IMMP2L: variants seen among roughly 807,000 people sequenced by gnomAD.
The protein encoded by IMMP2L is mitochondrial inner membrane protease subunit 2.
IMMP2L carries 18 observed loss-of-function variants against 19.3 expected under a neutral mutation model. The observed-to-expected ratio is 0.93, with a 90% confidence interval of 0.64 to 1.38. The LOEUF (loss-of-function observed/expected upper bound fraction) is 1.38. Among genes scored for constraint, IMMP2L ranks in the 40% most tolerant of loss-of-function variants. The probability of loss-of-function intolerance (pLI) is 0.00; values close to 1 mark genes in which losing one functional copy is unlikely to be tolerated. For missense variants in IMMP2L, 233 were observed against 218.2 expected (o/e 1.07, Z -0.43); for synonymous variants, 76 against 73.0 (o/e 1.04, Z -0.21).
At chr7:110,887,420 T>C (rs1810334054) in intron 4 of IMMP2L, among the ~76,000 whole-genome samples, 1 of 152,118 alleles carries the variant, frequency 6.6e-6, no homozygotes. Context: ...GGTATAATGT[T>C]TTTCCCTATA....
intron 3 of IMMP2L, among the ~76,000 whole-genome samples, chr7:111,098,927 T>C (rs911055336): frequency 6.6e-6 from 1 of 151,792 alleles, no homozygotes; most frequent in African/African-American, 2.4e-5. Flanking sequence ...ACTCTGTTTC[T>C]AGTTTCATAT....
At chr7:110,848,913 A>C (rs1805931185) in intron 5 of IMMP2L, among the ~76,000 whole-genome samples, 1 of 152,126 alleles carries the variant, frequency 6.6e-6, no homozygotes, top group Admixed American at 6.6e-5. Flanking sequence ...GCCAGAAATT[A>C]GTTGGGAGGA....
intron 3 of IMMP2L, among the ~76,000 whole-genome samples, chr7:111,121,461 CAA>C (rs1020005159): frequency 2.0e-5 from 3 of 152,036 alleles, no homozygotes; most frequent in African/African-American, 7.2e-5. Flanking sequence ...TTTATGCAGC[CAA>C]AAGACACATG....
rs77154430 is a variant in IMMP2L at position 111,439,295 on chromosome 7, C to A, written c.239+47943G>T. Among the ~76,000 whole-genome samples, 179 of 151,876 alleles carry A rather than the reference C, an allele frequency of 1.2e-3. 4 individuals carry two copies. In the East Asian group the frequency reaches 0.033, roughly 28 times the overall value. On this transcript the variant is annotated intron_variant, in intron 3 of 5. Transcript: ENST00000405709. ...ATTCTAGTGGCCCAGTCTCAAGCTT[C>A]CCCTCCAGTGCTCTCATACCTTCTC... is the stretch of plus-strand genomic sequence containing the variant.
intron 3 of IMMP2L, among the ~76,000 whole-genome samples, chr7:111,089,138 T>C (rs1368769166): frequency 2.6e-5 from 4 of 152,166 alleles, no homozygotes; most frequent in Non-Finnish European, 4.4e-5. Flanking sequence ...TAAGATAACA[T>C]ATAAATGGCT....
intron 1 of IMMP2L, among the ~76,000 whole-genome samples, chr7:111,558,516 A>G (rs1242417665): frequency 6.6e-6 from 1 of 152,236 alleles, no homozygotes; most frequent in African/African-American, 2.4e-5. Context: ...CCATTTATAG[A>G]TGAGGAATTT....
chr7:111,419,845 A>G (rs1424679703), intron 3 of IMMP2L, among the ~76,000 whole-genome samples: 1 of 151,780 alleles, frequency 6.6e-6, no homozygotes, highest in Non-Finnish European at 1.5e-5. Context: ...ATGATAATTT[A>G]CTGCCCTTAC....
At position 111,242,932 on chromosome 7, in the gene IMMP2L, AT is replaced by A. The variant is rs561057351; in HGVS notation, c.239+244305del. ...TCCAATTGTTCTCTAACTCACTGGT[AT>A]TTCTTAATTTGTTACATTTACTAAG... On this transcript the variant is annotated intron_variant, in intron 3 of 5. Transcript: ENST00000405709. Among the ~76,000 whole-genome samples, 252 of 152,218 alleles carry A rather than the reference AT, an allele frequency of 1.7e-3. 3 individuals are homozygous for A. Among genetic ancestry groups the A allele is most frequent in the Non-Finnish European group, 1.2e-3 (83 of 68,000 alleles).
intron 5 of IMMP2L, among the ~76,000 whole-genome samples, chr7:110,746,175 G>A (rs1043762512): frequency 1.3e-5 from 2 of 152,146 alleles, no homozygotes; most frequent in South Asian, 2.1e-4. Context: ...TTACATAATG[G>A]GAAAGGGATC....
chr7:111,008,415 C>T (rs563174841), intron 3 of IMMP2L, among the ~76,000 whole-genome samples: 1 of 152,116 alleles, frequency 6.6e-6, no homozygotes, highest in South Asian at 2.1e-4. Context: ...CAGATATCTT[C>T]ATGGTTCCCT....
chr7:111,043,520 T>C (rs1792093386), intron 3 of IMMP2L, among the ~76,000 whole-genome samples: 1 of 152,242 alleles, frequency 6.6e-6, no homozygotes, highest in Admixed American at 6.5e-5. Flanking sequence ...ATCTTCTCCA[T>C]CTTAGCTGAA....
intron 5 of IMMP2L, among the ~76,000 whole-genome samples, chr7:110,725,040 A>T (rs370881480): frequency 6.6e-6 from 1 of 152,330 alleles, no homozygotes; most frequent in Middle Eastern, 3.4e-3. Context: ...GGATAGACAG[A>T]TAAAATGAAG....
At chr7:110,692,439 C>G (rs1222276949) in intron 5 of IMMP2L, among the ~76,000 whole-genome samples, 1 of 151,786 alleles carries the variant, frequency 6.6e-6, no homozygotes, top group African/African-American at 2.4e-5. Context: ...TCAGACTTCA[C>G]AACTACATAA....
At chr7:111,055,263 T>A (rs928137877) in intron 3 of IMMP2L, among the ~76,000 whole-genome samples, 1 of 152,076 alleles carries the variant, frequency 6.6e-6, no homozygotes, top group African/African-American at 2.4e-5. Context: ...GGTCTCAAAC[T>A]CTTGACTTTA....
At chr7:111,137,706 C>T (rs1266560697) in intron 3 of IMMP2L, among the ~76,000 whole-genome samples, 1 of 152,122 alleles carries the variant, frequency 6.6e-6, no homozygotes, top group Non-Finnish European at 1.5e-5. Flanking sequence ...ACAGCTCTAA[C>T]AAAGGAGAAC....
intron 2 of IMMP2L, among the ~76,000 whole-genome samples, chr7:111,511,445 G>C (rs964606362): frequency 6.6e-6 from 1 of 151,990 alleles, no homozygotes. Flanking sequence ...AGGAGTTTGA[G>C]ACCAGCCTGG....
chr7:110,822,002 C>A (rs1350801504), intron 5 of IMMP2L, among the ~76,000 whole-genome samples: 1 of 152,072 alleles, frequency 6.6e-6, no homozygotes, highest in Non-Finnish European at 1.5e-5. Context: ...TTTCTAACTT[C>A]TAGTCAGTCA....
intron 5 of IMMP2L, among the ~76,000 whole-genome samples, chr7:110,875,077 A>G (rs1008854997): frequency 8.5e-5 from 13 of 152,168 alleles, no homozygotes; most frequent in Middle Eastern, 3.2e-3. Flanking sequence ...CTTAAATTTC[A>G]ACATGAATTT....
intron 3 of IMMP2L, among the ~76,000 whole-genome samples, chr7:111,264,280 A>C (rs1817614597): frequency 6.6e-6 from 1 of 152,120 alleles, no homozygotes; most frequent in Non-Finnish European, 1.5e-5. Context: ...ATTTACAAAC[A>C]AAATTTTCTT....
Sources: allele counts gnomAD v4.1 joint callset (sites outside exome capture counted in the v4.1 genomes callset), GRCh38; gene constraint gnomAD v4.1.1; transcripts MANE v1.5; gene names NCBI Gene and HGNC (gene_info 2026-07-23, HGNC 2026-07-21).